EBF4: variants seen among roughly 807,000 people sequenced by gnomAD.
EBF4 encodes the protein EBF transcription factor 4, also known as transcription factor COE4.
A neutral mutation model predicts 67.1 loss-of-function variants in EBF4; 34 were observed. That is an observed-to-expected ratio of 0.51 (90% CI 0.39 to 0.67). The LOEUF is 0.67. Among genes scored for constraint, EBF4 ranks in the 30% least tolerant of loss-of-function variants. The pLI is 0.00. For missense variants in EBF4, 837 were observed against 873.3 expected, an observed-to-expected ratio of 0.96 and a Z score of 0.52; for synonymous variants, 387 against 377.7, an observed-to-expected ratio of 1.02 and a Z score of -0.29.
At chr20:2,752,043 C>T in intron 12 of EBF4, 43 bp from the exon 13 acceptor site, 2 of 1,484,400 alleles carry the variant, frequency 1.3e-6, no homozygotes, top group East Asian at 2.6e-5. Flanking sequence ...CAGCACGCGG[C>T]GCCCGCGGCT....
intron 6 of EBF4, among the ~76,000 whole-genome samples, chr20:2,715,900 C>T (rs1035388662): frequency 1.3e-5 from 2 of 152,076 alleles, no homozygotes; most frequent in African/African-American, 4.8e-5. Flanking sequence ...AGGCGCACGC[C>T]ATCACACCCT....
intron 6 of EBF4, among the ~76,000 whole-genome samples, chr20:2,733,164 A>G (rs1191870298): frequency 6.6e-6 from 1 of 152,176 alleles, no homozygotes; most frequent in Non-Finnish European, 1.5e-5. Flanking sequence ...AGAAGTTGAT[A>G]GTTTTGCTGG....
chr20:2,711,560 T>C (rs1600211753), intron 6 of EBF4, among the ~76,000 whole-genome samples: 1 of 152,232 alleles, frequency 6.6e-6, no homozygotes, highest in South Asian at 2.1e-4. Context: ...ACCAACAGCA[T>C]TGAAACCAGC....
At position 2,751,725 on chromosome 20, in the gene EBF4, C is replaced by T; in HGVS notation, c.1044C>T (p.Tyr348=). 1 of 1,548,380 alleles carries T rather than the reference C, an allele frequency of 6.5e-7. No homozygotes were observed. ...CTCTGAACGAGCCCACCATTGACTA[C>T]GGATTCCAGAGGCTACAGAAAGTCA... The change falls in exon 11 of 17, where the codon TAC becomes TAT. Residue 348 remains tyrosine, a synonymous_variant. Transcript: ENST00000609451. This position sits in a 1 kb window ranked among gnomAD's most constrained non-coding sequence, Gnocchi z 5.2.
intron 1 of EBF4, among the ~76,000 whole-genome samples, chr20:2,700,073 TG>T: frequency 6.6e-6 from 1 of 152,346 alleles, no homozygotes; most frequent in East Asian, 1.9e-4. Context: ...AGTGACTGAC[TG>T]GAGTTGGTGG....
intron 4 of EBF4, among the ~76,000 whole-genome samples, chr20:2,706,894 T>C (rs1266907789): frequency 6.6e-6 from 1 of 152,188 alleles, no homozygotes; most frequent in East Asian, 1.9e-4. Flanking sequence ...CTTGCTGATG[T>C]GACGGTTACG....
intron 1 of EBF4, among the ~76,000 whole-genome samples, chr20:2,704,047 T>C (rs2087415525): frequency 6.6e-6 from 1 of 151,900 alleles, no homozygotes; most frequent in South Asian, 2.1e-4. Flanking sequence ...GAATCACTAA[T>C]CCAAAAAAGG....
chr20:2,749,498 G>A (rs1437304516), exon 8 of EBF4: 2 of 1,547,806 alleles, frequency 1.3e-6, no homozygotes, highest in Non-Finnish European at 8.7e-7. Context: ...CGCAGGGCGC[G>A]CCGCCTGGAC....
chr20:2,708,515 C>T (rs1882001257), intron 5 of EBF4, among the ~76,000 whole-genome samples: 1 of 152,092 alleles, frequency 6.6e-6, no homozygotes, highest in Non-Finnish European at 1.5e-5. Flanking sequence ...AGATGCCAGT[C>T]GTACAGGGTC....
At chr20:2,734,565 C>A (rs1022585090) in intron 6 of EBF4, among the ~76,000 whole-genome samples, 1 of 152,142 alleles carries the variant, frequency 6.6e-6, no homozygotes, top group Non-Finnish European at 1.5e-5. Flanking sequence ...ACATTTTAAT[C>A]ATATAATGTT....
At chr20:2,704,727 TTGTC>T (rs1222964894) in intron 1 of EBF4, among the ~76,000 whole-genome samples, 1 of 152,238 alleles carries the variant, frequency 6.6e-6, no homozygotes, top group Admixed American at 6.5e-5. Context: ...ACCTGCCCCT[TTGTC>T]TGATGTTGTA....
At chr20:2,709,166 G>C (rs559128313) in intron 5 of EBF4, among the ~76,000 whole-genome samples, 16 of 152,288 alleles carry the variant, frequency 1.1e-4, no homozygotes, top group African/African-American at 3.4e-4. Context: ...CAGCCTGGGT[G>C]ACAGAATGAG....
chr20:2,749,269 C>T, intron 7 of EBF4, 132 bp from the exon 8 acceptor site: 1 of 653,872 alleles, frequency 1.5e-6, no homozygotes. Flanking sequence ...AGGATTGAAG[C>T]CCTCCTCCTC....
In EBF4 at chr20:2,708,038, C is replaced by T. The variant is rs1435584817; in HGVS notation, c.488+18C>T. ...ATGTGCAGGTGAGATGGCCATGTCA[C>T]TCACACCTCACCCCTCTGCCAAGGC... On this transcript the variant is annotated intron_variant, in intron 5 of 16. Transcript: ENST00000609451. 1 of 1,597,982 alleles carries T rather than the reference C, an allele frequency of 6.3e-7. No individual in the cohort carries two copies. The highest frequency in any genetic ancestry group is 8.5e-7 in the Non-Finnish European group (1 of 1,171,166).
At chr20:2,759,639 A>T (rs559395446), downstream of EBF4, 1 of 153,024 alleles carries the variant, frequency 6.5e-6, no homozygotes, top group South Asian at 2.1e-4. Flanking sequence ...CGTGGGAAAG[A>T]GGACAGCTCA....
chr20:2,720,817 G>A (rs899231766), intron 6 of EBF4, among the ~76,000 whole-genome samples: 1 of 152,112 alleles, frequency 6.6e-6, no homozygotes, highest in Non-Finnish European at 1.5e-5. Context: ...AATATTTCTT[G>A]TATTGTTTGT....
chr20:2,708,875 T>C (rs1031395918), intron 5 of EBF4, among the ~76,000 whole-genome samples: 3 of 152,218 alleles, frequency 2.0e-5, no homozygotes, highest in African/African-American at 7.2e-5. Flanking sequence ...GCTGCTTTCA[T>C]GGGCAGATTC....
chr20:2,738,418 C>T (rs967034763), intron 6 of EBF4, among the ~76,000 whole-genome samples: 2 of 152,152 alleles, frequency 1.3e-5, no homozygotes, highest in African/African-American at 4.8e-5. Flanking sequence ...TCCTTCTCTT[C>T]TGTTCGTGGA....
chr20:2,727,763 G>A (rs1344388191), intron 6 of EBF4, among the ~76,000 whole-genome samples: 2 of 152,126 alleles, frequency 1.3e-5, no homozygotes, highest in Admixed American at 6.5e-5. Context: ...ATCCTAATGG[G>A]TGTGAGGTAA....
Sources: gnomAD v4.1 joint callset for allele counts (sites outside exome capture counted in the v4.1 genomes callset) on GRCh38, gnomAD v4.1.1 for gene constraint, Gnocchi (gnomAD v3.1) non-coding constraint, MANE v1.5 for transcripts, NCBI Gene and HGNC (gene_info 2026-07-23, HGNC 2026-07-21) for gene names.